The following GUCY1A1 variants were observed in gnomAD, a reference collection of about 807,000 sequenced individuals.
GUCY1A1 encodes the protein guanylate cyclase soluble subunit alpha-1.
GUCY1A1 carries 48 observed loss-of-function variants against 64.5 expected under a neutral mutation model. The ratio of observed to expected loss-of-function variants is 0.74; its 90% CI spans 0.59 to 0.95. The LOEUF is 0.95. GUCY1A1 is among the 40% of genes least tolerant of loss of function. The pLI is 0.00. For missense variants in GUCY1A1, 804 were observed against 825.3 expected (o/e 0.97, Z 0.32); for synonymous variants, 308 against 303.4 (o/e 1.02, Z -0.16).
chr4:155,682,921 C>A (rs1490650197), intron 2 of GUCY1A1, among the ~76,000 whole-genome samples: 1 of 151,880 alleles, frequency 6.6e-6, no homozygotes, highest in Non-Finnish European at 1.5e-5. Flanking sequence ...TATGTTTTTT[C>A]TGGTTCATGT....
At chr4:155,671,621 G>A (rs1388083407) in intron 2 of GUCY1A1, among the ~76,000 whole-genome samples, 2 of 152,038 alleles carry the variant, frequency 1.3e-5, no homozygotes, top group East Asian at 3.9e-4. Flanking sequence ...GGTCAGTTTG[G>A]GCAAATTATT....
intron 2 of GUCY1A1, among the ~76,000 whole-genome samples, chr4:155,689,383 C>T (rs1729440913): frequency 6.6e-6 from 1 of 152,070 alleles, no homozygotes; most frequent in Non-Finnish European, 1.5e-5. Flanking sequence ...CTGATTTCCT[C>T]ATGATCAGCA....
Position 155,697,064 on chromosome 4 carries a change from G to A in GUCY1A1, c.197G>A (p.Arg66Gln), listed in dbSNP as rs773940788. 33 of 1,613,016 alleles carry A rather than the reference G, an allele frequency of 2.0e-5. No individual in the cohort carries two copies. The highest frequency in any genetic ancestry group is 5.0e-5 in the Admixed American group (3 of 59,962). ...AGTCTTCCTCAAAGAAAAACCAGTC[G>A]GAGCCGAGTCTATCTTCACACTTTG... ...QESLPQRKTS[R>Q]SRVYLHTLAE... is the part of the protein sequence containing the mutation. Residue 66 changes from arginine to glutamine, a missense_variant, in exon 3 of 10, where the codon CGG becomes CAG. Physicochemically the swap from Arg to Gln is conservative, Grantham distance 43 (BLOSUM62 1). Coordinates refer to ENST00000506455, the MANE Select transcript of GUCY1A1 (RefSeq NM_001130682.3).
chr4:155,688,068 A>C (rs1468286065), intron 2 of GUCY1A1, among the ~76,000 whole-genome samples: 1 of 145,794 alleles, frequency 6.9e-6, no homozygotes, highest in Admixed American at 6.8e-5. Context: ...CTAAAAATAC[A>C]AAAAAAAAAA....
Position 155,729,977 on chromosome 4 carries a change from C to CT in GUCY1A1, c.1872-46dup, listed in dbSNP as rs1177812184. ...AACATTCAGTTAGTTATGTTGTGTT[C>CT]TTTTTTTGAGTGGACAAACATTTAT... On this transcript the variant is annotated intron_variant, in intron 9 of 9. Transcript: ENST00000506455. 1.1e-5 allele frequency: 13 copies of CT among 1,144,996 alleles called. No individual in the cohort carries two copies. In the East Asian group the frequency reaches 1.2e-4, roughly 11 times the overall value. The allele number at this position is 1,144,996 out of a possible 1,614,324, so 70.9% of individuals were successfully genotyped here. A position where few individuals can be genotyped will look rare whatever the true frequency, so the allele number is the denominator to read the frequency against.
intron 2 of GUCY1A1, among the ~76,000 whole-genome samples, chr4:155,673,213 T>A (rs1200218162): frequency 6.6e-6 from 1 of 151,500 alleles, no homozygotes; most frequent in Non-Finnish European, 1.5e-5. Flanking sequence ...TCTTAGAGAC[T>A]CAGCCACTAT....
chr4:155,724,001 C>G (rs774178562), intron 9 of GUCY1A1, among the ~76,000 whole-genome samples: 14 of 152,030 alleles, frequency 9.2e-5, no homozygotes, highest in Admixed American at 3.9e-4. Context: ...TCCTTTCCAG[C>G]CCAGACTCTC....
chr4:155,698,679 A>G (rs552377977), intron 3 of GUCY1A1, among the ~76,000 whole-genome samples: 23 of 152,312 alleles, frequency 1.5e-4, no homozygotes, highest in African/African-American at 5.5e-4. Flanking sequence ...CTGTCTCAAC[A>G]ACAACAACAA....
intron 3 of GUCY1A1, among the ~76,000 whole-genome samples, chr4:155,698,313 A>G (rs1381469111): frequency 6.6e-6 from 1 of 152,222 alleles, no homozygotes; most frequent in Admixed American, 6.5e-5. Flanking sequence ...ACTTTGGCAG[A>G]TAACCTTTGA....
At chr4:155,685,021 C>T (rs950326404) in intron 2 of GUCY1A1, among the ~76,000 whole-genome samples, 26 of 152,138 alleles carry the variant, frequency 1.7e-4, no homozygotes, top group African/African-American at 5.6e-4. Context: ...CATGATATGT[C>T]AAAAGCTCCT....
intron 2 of GUCY1A1, among the ~76,000 whole-genome samples, chr4:155,670,438 T>A (rs947560403): frequency 2.6e-4 from 40 of 152,232 alleles, no homozygotes; most frequent in African/African-American, 9.6e-4. Flanking sequence ...CTGAATCATA[T>A]CTGCTTCTTT....
chr4:155,679,723 G>C (rs905338089), intron 2 of GUCY1A1, among the ~76,000 whole-genome samples: 1 of 152,204 alleles, frequency 6.6e-6, no homozygotes, highest in African/African-American at 2.4e-5. Context: ...CCAAACCATG[G>C]CATGGTCCAT....
At chr4:155,708,337 T>C (rs746116561) in intron 5 of GUCY1A1, 43 bp downstream of exon 5, 2 of 971,098 alleles carry the variant, frequency 2.1e-6, no homozygotes, top group South Asian at 1.4e-5. Flanking sequence ...GCCATATACC[T>C]GTAGAACTCA....
intron 2 of GUCY1A1, among the ~76,000 whole-genome samples, chr4:155,689,470 G>A (rs1283191869): frequency 6.6e-6 from 1 of 152,146 alleles, no homozygotes; most frequent in African/African-American, 2.4e-5. Context: ...TCATCACACG[G>A]GAGAGTTTTT....
intron 9 of GUCY1A1, among the ~76,000 whole-genome samples, chr4:155,728,281 G>A (rs1221609518): frequency 6.6e-6 from 1 of 151,816 alleles, no homozygotes; most frequent in Admixed American, 6.6e-5. Context: ...AATTTCTGTG[G>A]TGTTACTATG....
intron 9 of GUCY1A1, among the ~76,000 whole-genome samples, chr4:155,725,580 T>C (rs866562140): frequency 5.3e-5 from 8 of 152,236 alleles, no homozygotes; most frequent in Non-Finnish European, 1.2e-4. Flanking sequence ...ATAAAAAGCA[T>C]ATTTTCCTTT....
At chr4:155,689,736 A>G (rs1200276932) in intron 2 of GUCY1A1, among the ~76,000 whole-genome samples, 1 of 152,178 alleles carries the variant, frequency 6.6e-6, no homozygotes, top group Non-Finnish European at 1.5e-5. Context: ...AGCTTATTAA[A>G]CACAATTTGT....
chr4:155,718,532 A>T (rs975758485), intron 8 of GUCY1A1, among the ~76,000 whole-genome samples: 1 of 152,138 alleles, frequency 6.6e-6, no homozygotes, highest in Admixed American at 6.6e-5. Flanking sequence ...TCAGCTGGGA[A>T]TACCGAAATG....
intron 2 of GUCY1A1, among the ~76,000 whole-genome samples, chr4:155,693,888 T>G (rs540335889): frequency 6.6e-6 from 1 of 152,254 alleles, no homozygotes; most frequent in East Asian, 1.9e-4. Context: ...AGCGTTGAAA[T>G]CCAATGTGAA....
Sources: allele counts gnomAD v4.1 joint callset (sites outside exome capture counted in the v4.1 genomes callset), GRCh38; gene constraint gnomAD v4.1.1; transcripts MANE v1.5; gene names NCBI Gene and HGNC (gene_info 2026-07-23, HGNC 2026-07-21).